Variants in EDEM1 observed in about 807,000 individuals in gnomAD.
The protein encoded by EDEM1 is ER degradation enhancing alpha-mannosidase like protein 1, also known as ER degradation-enhancing alpha-mannosidase-like protein 1.
A neutral mutation model predicts 74.4 loss-of-function variants in EDEM1; 67 were observed. That is an observed-to-expected ratio of 0.90 (90% CI 0.74 to 1.10). EDEM1 has a LOEUF of 1.10. EDEM1 is among the 50% of genes least tolerant of loss of function. The probability of loss-of-function intolerance (pLI) is 0.00; values close to 1 mark genes in which losing one functional copy is unlikely to be tolerated. For missense variants in EDEM1, 926 were observed against 851.6 expected (o/e 1.09, Z -1.09); for synonymous variants, 382 against 335.9 (o/e 1.14, Z -1.50).
At chr3:5,213,809 C>A (rs76078633) in intron 11 of EDEM1, among the ~76,000 whole-genome samples, 1 of 152,230 alleles carries the variant, frequency 6.6e-6, no homozygotes, top group East Asian at 1.9e-4. Context: ...GCAGGAGCCA[C>A]GGCTCAGATC....
chr3:5,213,316 TAGC>T lies in EDEM1; in HGVS notation c.1681-2_1681del. 6.2e-7 allele frequency: 1 copy of T among 1,612,604 alleles called. No homozygotes were observed. Among genetic ancestry groups the T allele is most frequent in the East Asian group, 2.2e-5 (1 of 44,874 alleles). ...GTTGTATCTTTTTCTCCGTTCCCTC[TAGC>T]TGTTTGATGAAGACAATCCAGTACA... is the stretch of plus-strand genomic sequence containing the variant. On this transcript the variant is annotated splice_acceptor_variant and coding_sequence_variant, in exon 11 of 12. Coordinates refer to ENST00000256497, the MANE Select transcript of EDEM1 (RefSeq NM_014674.3). LOFTEE classifies it high-confidence loss of function.
intron 2 of EDEM1, among the ~76,000 whole-genome samples, chr3:5,198,662 C>CTTTTTTTTT (rs57260414): frequency 2.7e-5 from 2 of 75,158 alleles, no homozygotes; most frequent in African/African-American, 9.1e-5. Context: ...ACGTATATAG[C>CTTTTTTTTT]TTTTTTTTTT....
intron 2 of EDEM1, among the ~76,000 whole-genome samples, chr3:5,198,137 C>G (rs1268948371): frequency 6.7e-6 from 1 of 149,916 alleles, no homozygotes; most frequent in Non-Finnish European, 1.5e-5. Context: ...CTCCACCTTC[C>G]CAGGGGTTCA....
rs758146386 is a variant in EDEM1, at chr3:5,207,210, G to T, written c.1275G>T (p.Met425Ile). ...GDPPLYVNVN[M>I]FSGQLMNTWI... ...CTCCACTCTATGTCAACGTGAACATGTTCAGTGGGCAGCTGATGAACACCT... is the reference window on the plus strand; with the variant it reads ...CTCCACTCTATGTCAACGTGAACATTTTCAGTGGGCAGCTGATGAACACCT... The change falls in exon 7 of 12, where the codon ATG becomes ATT. Residue 425 changes from methionine (M) to isoleucine (I), a missense_variant. Transcript: ENST00000256497. The T allele has an allele frequency of 2.5e-6, 4 of 1,614,208 alleles. No individual in the cohort carries two copies. The highest frequency in any genetic ancestry group is 3.4e-6 in the Non-Finnish European group (4 of 1,180,030).
chr3:5,215,114 T>C (rs564109687), intron 11 of EDEM1, among the ~76,000 whole-genome samples: 3 of 152,014 alleles, frequency 2.0e-5, no homozygotes, highest in Admixed American at 1.3e-4. Flanking sequence ...GACCGGCCAG[T>C]CTTGATCTTG....
At chr3:5,210,547 ATAT>A (rs934207418) in intron 9 of EDEM1, among the ~76,000 whole-genome samples, 11 of 152,202 alleles carry the variant, frequency 7.2e-5, no homozygotes, top group African/African-American at 2.7e-4. Context: ...AAGCAGTAGA[ATAT>A]TATCACTGTA....
chr3:5,204,566 A>G (rs1160974692), intron 5 of EDEM1, among the ~76,000 whole-genome samples: 1 of 151,858 alleles, frequency 6.6e-6, no homozygotes, highest in Non-Finnish European at 1.5e-5. Context: ...AATTTTTTGT[A>G]TTTTTGGTAG....
intron 3 of EDEM1, among the ~76,000 whole-genome samples, chr3:5,200,933 G>A (rs1039553288): frequency 6.9e-6 from 1 of 145,722 alleles, no homozygotes; most frequent in African/African-American, 2.6e-5. Flanking sequence ...GTCTTGCTCT[G>A]TTGCCCAGGC....
At chr3:5,203,530 G>A (rs1361572461) in intron 5 of EDEM1, among the ~76,000 whole-genome samples, 3 of 152,202 alleles carry the variant, frequency 2.0e-5, no homozygotes, top group Non-Finnish European at 4.4e-5. Context: ...ATCTGGGCCT[G>A]TGGTAGTAGA....
chr3:5,201,032 G>T (rs1334173041), intron 3 of EDEM1, among the ~76,000 whole-genome samples: 1 of 151,704 alleles, frequency 6.6e-6, no homozygotes, highest in Non-Finnish European at 1.5e-5. Context: ...AAATAGCTGG[G>T]ACTACAGGCA....
chr3:5,206,629 T>A (rs2055100337), intron 6 of EDEM1, among the ~76,000 whole-genome samples: 1 of 152,230 alleles, frequency 6.6e-6, no homozygotes. Flanking sequence ...AGGAACCACT[T>A]GTATGTGCTA....
Position 5,195,300 on chromosome 3 carries a change from T to A in EDEM1, c.582+19T>A, listed in dbSNP as rs2054951919. On this transcript the variant is annotated intron_variant, in intron 2 of 11. Coordinates refer to ENST00000256497, the MANE Select transcript of EDEM1 (RefSeq NM_014674.3). ...ACTTGCAGTAAGTGTTCACCTTTTTTTAAAAAAATGAATTAAGATGTTTTA... is the reference window on the plus strand; with the variant it reads ...ACTTGCAGTAAGTGTTCACCTTTTTATAAAAAAATGAATTAAGATGTTTTA... 6.7e-7 allele frequency: 1 copy of A among 1,492,706 alleles called. No homozygotes were observed. Among genetic ancestry groups the A allele is most frequent in the African/African-American group, 1.4e-5 (1 of 71,058 alleles). The allele number at this position is 1,492,706 out of a possible 1,614,324, so 92.5% of individuals were successfully genotyped here.
rs2055011880 is a variant in EDEM1 at position 5,199,694 on chromosome 3, A to C, written c.685A>C (p.Arg229=). The C allele has an allele frequency of 6.2e-7, 1 of 1,607,356 alleles. No homozygotes were observed. Residue 229 remains arginine, a splice_region_variant and synonymous_variant, in exon 3 of 12, where the codon AGG becomes CGG. Coordinates refer to ENST00000256497, the MANE Select transcript of EDEM1 (RefSeq NM_014674.3). The part of the protein sequence containing the change: ...STVQVFEATI[R]VLGSLLSAHR... Reference sequence around the variant, plus strand: ...CGTCCAAGTCTTTGAGGCCACGATAAGGTAAAATAATGAATATTCATAAAA... The same window carrying C: ...CGTCCAAGTCTTTGAGGCCACGATACGGTAAAATAATGAATATTCATAAAA...
intron 2 of EDEM1, among the ~76,000 whole-genome samples, chr3:5,195,670 C>A (rs901819492): frequency 6.6e-6 from 1 of 152,202 alleles, no homozygotes; most frequent in African/African-American, 2.4e-5. Flanking sequence ...TGTCATCTAG[C>A]CACTGGCTCC....
intron 10 of EDEM1, among the ~76,000 whole-genome samples, chr3:5,211,743 A>G (rs1411068144): frequency 6.6e-6 from 1 of 152,120 alleles, no homozygotes; most frequent in Non-Finnish European, 1.5e-5. Flanking sequence ...CCTAATGTTC[A>G]TATGTTCATC....
At chr3:5,188,594 C>A (rs1489343054) in intron 1 of EDEM1, 1 of 362,446 alleles carries the variant, frequency 2.8e-6, no homozygotes, top group African/African-American at 2.1e-5. Context: ...TACTGAGGTC[C>A]AGGACCAGAA....
chr3:5,192,027 T>C (rs898146468), intron 1 of EDEM1, among the ~76,000 whole-genome samples: 4 of 152,244 alleles, frequency 2.6e-5, no homozygotes, highest in Admixed American at 2.6e-4. Flanking sequence ...AATGCTTAGG[T>C]ACTACTAGCT....
At chr3:5,203,227 C>A (rs1483764404) in intron 5 of EDEM1, 78 bp downstream of exon 5, 5 of 1,376,292 alleles carry the variant, frequency 3.6e-6, no homozygotes, top group Non-Finnish European at 4.8e-6. Flanking sequence ...GGCTCTGCCC[C>A]CTTTTTACTC....
In EDEM1 at chr3:5,217,371, C is replaced by G. The variant is rs1383422061; in HGVS notation, c.*1453C>G. ...TTCTAGTAAAAAAGGTAGGAAATCC[C>G]TAAAACTTCCAGCCTCACATAGCAC... On this transcript the variant is annotated 3_prime_UTR_variant, in exon 12 of 12. Coordinates refer to ENST00000256497, the MANE Select transcript of EDEM1 (RefSeq NM_014674.3). The G allele has an allele frequency of 6.5e-6, 1 of 152,778 alleles. No homozygotes were observed. Among genetic ancestry groups the G allele is most frequent in the East Asian group, 1.9e-4 (1 of 5,184 alleles). 9.5% of individuals were successfully genotyped at this position (152,778 alleles called of 1,614,324 possible). A position where few individuals can be genotyped will look rare whatever the true frequency, so the allele number is the denominator to read the frequency against.
Sources: allele counts gnomAD v4.1 joint callset (sites outside exome capture counted in the v4.1 genomes callset), GRCh38; gene constraint gnomAD v4.1.1; transcripts MANE v1.5; gene names NCBI Gene and HGNC (gene_info 2026-07-23, HGNC 2026-07-21).